The following FSIP2 variants were observed in gnomAD, a reference collection of about 807,000 sequenced individuals.
FSIP2 encodes fibrous sheath interacting protein 2, also known as fibrous sheath-interacting protein 2.
A neutral mutation model predicts 510.5 loss-of-function variants in FSIP2; 367 were observed. That is an observed-to-expected ratio of 0.72 (90% CI 0.66 to 0.78). The LOEUF is 0.78. Among genes scored for constraint, FSIP2 ranks in the 30% least tolerant of loss-of-function variants. The pLI is 0.00. For synonymous variants in FSIP2, 2,601 were observed against 2,732.2 expected (o/e 0.95, Z 1.50); for missense variants, 7,594 against 7,901.7 (o/e 0.96, Z 1.48).
At chr2:185,742,463 GA>G (rs34453784) in intron 2 of FSIP2, among the ~76,000 whole-genome samples, 3 of 152,110 alleles carry the variant, frequency 2.0e-5, no homozygotes, top group Non-Finnish European at 4.4e-5. Context: ...CACACAAATA[GA>G]AAAACTTCAA....
At chr2:185,750,705 C>G (rs1254671353) in intron 7 of FSIP2, among the ~76,000 whole-genome samples, 1 of 148,514 alleles carries the variant, frequency 6.7e-6, no homozygotes, top group African/African-American at 2.5e-5. Flanking sequence ...TTCCTCTTTT[C>G]TAATACAGAA....
chr2:185,782,052 G>A (rs1483359230), intron 13 of FSIP2, among the ~76,000 whole-genome samples: 1 of 152,172 alleles, frequency 6.6e-6, no homozygotes, highest in Non-Finnish European at 1.5e-5. Context: ...TAGCCAGGAT[G>A]GTCTCGATCT....
chr2:185,774,677 C>A (rs2105581660), intron 13 of FSIP2, among the ~76,000 whole-genome samples: 1 of 143,678 alleles, frequency 7.0e-6, no homozygotes, highest in African/African-American at 2.6e-5. Flanking sequence ...GTGTGCTGCA[C>A]CCACTAACTC....
chr2:185,788,362 A>G (rs903387410), intron 15 of FSIP2, among the ~76,000 whole-genome samples: 1 of 151,690 alleles, frequency 6.6e-6, no homozygotes, highest in Non-Finnish European at 1.5e-5. Flanking sequence ...AATCATTTAT[A>G]CTGATAATAA....
At position 185,813,750 on chromosome 2, in the gene FSIP2, A is replaced by G. The variant is rs1359369038; in HGVS notation, c.20033A>G (p.Glu6678Gly). Residue 6678 changes from glutamate to glycine, a missense_variant, in exon 18 of 23, where the codon GAA becomes GGA. Coordinates refer to ENST00000424728, the MANE Select transcript of FSIP2 (RefSeq NM_173651.4). ...VVLTQTFAKE[E>G]GIKVFEDQVK... Reference sequence around the variant, plus strand: ...TTAACACAGACTTTTGCAAAAGAAGAAGGCATCAAAGTATTTGAAGATCAA... The same window carrying G: ...TTAACACAGACTTTTGCAAAAGAAGGAGGCATCAAAGTATTTGAAGATCAA... 1.9e-6 allele frequency: 3 copies of G among 1,612,568 alleles called. No homozygotes were observed. Among genetic ancestry groups the G allele is most frequent in the South Asian group, 2.2e-5 (2 of 90,962 alleles).
chr2:185,828,357 G>C (rs573901239), intron 21 of FSIP2, among the ~76,000 whole-genome samples, 158 bp downstream of exon 21: 5 of 151,884 alleles, frequency 3.3e-5, no homozygotes, highest in African/African-American at 9.6e-5. Context: ...CCTCTTCCTA[G>C]CTGAGGCCTG....
At position 185,747,306 on chromosome 2, in the gene FSIP2, T is replaced by C. The variant is rs561989893; in HGVS notation, c.760-7T>C. On this transcript the variant is annotated splice_region_variant and splice_polypyrimidine_tract_variant and intron_variant, in intron 6 of 22. Transcript: ENST00000424728. ...CACACCAAGTGCAGTAACATTGTGA[T>C]TTCTAGGAATGGAAGACAAAAGAGA... 10 of 1,473,392 alleles carry C rather than the reference T, an allele frequency of 6.8e-6. 1 individual carries two copies. The highest frequency in any genetic ancestry group is 4.2e-5 in the African/African-American group (3 of 71,880). The allele number at this position is 1,473,392 out of a possible 1,614,324, so 91.3% of individuals were successfully genotyped here.
intron 19 of FSIP2, among the ~76,000 whole-genome samples, chr2:185,820,450 T>C (rs1022657952): frequency 8.3e-6 from 1 of 120,114 alleles, no homozygotes; most frequent in Non-Finnish European, 1.8e-5. Flanking sequence ...AATAAAACTA[T>C]AGATTTATTT....
rs1328669372 is a variant in FSIP2 at position 185,793,656 on chromosome 2, G to A, written c.6520G>A (p.Val2174Ile). The A allele has an allele frequency of 3.9e-6, 6 of 1,534,654 alleles. No individual in the cohort carries two copies. In the East Asian group the frequency reaches 1.5e-4, roughly 38 times the overall value. ...TAATCTCAGTTCTGCTGCCACGCTTGTCATAAATGCAAAGAATCCTACTTC... is the reference window on the plus strand; with the variant it reads ...TAATCTCAGTTCTGCTGCCACGCTTATCATAAATGCAAAGAATCCTACTTC... ...LHNLSSAATL[V>I]INAKNPTSAR... Residue 2174 changes from valine (V) to isoleucine (I), a missense_variant, in exon 16 of 23, where the codon GTC becomes ATC. Val to Ile is a conservative substitution (Grantham distance 29). Transcript: ENST00000424728.
At position 185,804,056 on chromosome 2, in the gene FSIP2, C is replaced by G. The variant is rs1190479702; in HGVS notation, c.14750C>G (p.Thr4917Ser). Reference sequence around the variant, plus strand: ...CAATCATTTTTATCTGAAGATAAAACTCTCCTTTTGGCAGCAGTTGATCAA... The same window carrying G: ...CAATCATTTTTATCTGAAGATAAAAGTCTCCTTTTGGCAGCAGTTGATCAA... ...HIQSFLSEDK[T>S]LLLAAVDQTY... Residue 4917 changes from threonine (T) to serine (S), a missense_variant, in exon 17 of 23, where the codon ACT becomes AGT. Transcript: ENST00000424728. 1 of 1,515,996 alleles carries G rather than the reference C, an allele frequency of 6.6e-7. No individual in the cohort carries two copies. Among genetic ancestry groups the G allele is most frequent in the Non-Finnish European group, 8.8e-7 (1 of 1,134,650 alleles). 93.9% of individuals were successfully genotyped at this position (1,515,996 alleles called of 1,614,324 possible). A position where few individuals can be genotyped will look rare whatever the true frequency, so the allele number is the denominator to read the frequency against.
In FSIP2 at chr2:185,802,036, G is replaced by C; in HGVS notation, c.12730G>C (p.Asp4244His). The change falls in exon 17 of 23, where the codon GAC (aspartate) becomes CAC (histidine). Residue 4244 changes from aspartate to histidine, a missense_variant. Transcript: ENST00000424728. ...SIVSRSPIMIDQIASFIIQEI... is the reference protein window; with the variant it reads ...SIVSRSPIMIHQIASFIIQEI... ...AGTAAGCCGAAGCCCAATTATGATTGACCAAATAGCCAGCTTTATCATCCA... is the reference window on the plus strand; with the variant it reads ...AGTAAGCCGAAGCCCAATTATGATTCACCAAATAGCCAGCTTTATCATCCA... 1 of 1,531,088 alleles carries C rather than the reference G, an allele frequency of 6.5e-7. No individual in the cohort carries two copies. The highest frequency in any genetic ancestry group is 8.7e-7 in the Non-Finnish European group (1 of 1,144,502). 94.8% of individuals were successfully genotyped at this position (1,531,088 alleles called of 1,614,324 possible). A position where few individuals can be genotyped will look rare whatever the true frequency, so the allele number is the denominator to read the frequency against.
At chr2:185,824,727 T>G (rs899233754) in intron 20 of FSIP2, among the ~76,000 whole-genome samples, 1 of 151,800 alleles carries the variant, frequency 6.6e-6, no homozygotes, top group African/African-American at 2.4e-5. Context: ...AATTCACATT[T>G]ACCATACTCC....
At position 185,793,643 on chromosome 2, in the gene FSIP2, T is replaced by C. The variant is rs377447261; in HGVS notation, c.6507T>C (p.Ser2169=). 1.3e-6 allele frequency: 2 copies of C among 1,534,646 alleles called. No homozygotes were observed. Among genetic ancestry groups the C allele is most frequent in the Non-Finnish European group, 8.7e-7 (1 of 1,145,748 alleles). ...ATATTGTTCTTCATAATCTCAGTTC[T>C]GCTGCCACGCTTGTCATAAATGCAA... ...IVNIVLHNLS[S]AATLVINAKN... The change falls in exon 16 of 23, where the codon TCT becomes TCC. Residue 2169 remains serine (S), a synonymous_variant. Transcript: ENST00000424728.
intron 13 of FSIP2, among the ~76,000 whole-genome samples, chr2:185,772,965 A>ATC (rs1553496532): frequency 6.6e-6 from 1 of 151,948 alleles, no homozygotes; most frequent in Admixed American, 6.6e-5. Flanking sequence ...GGCTCAAGCC[A>ATC]TCTTCCCACC....
At chr2:185,785,208 T>C (rs545613231) in intron 14 of FSIP2, among the ~76,000 whole-genome samples, 1 of 152,144 alleles carries the variant, frequency 6.6e-6, no homozygotes, top group South Asian at 2.1e-4. Context: ...AGAAACCAGA[T>C]CTTAGAAAAA....
intron 2 of FSIP2, among the ~76,000 whole-genome samples, chr2:185,739,889 T>G (rs1691888664): frequency 6.6e-6 from 1 of 152,158 alleles, no homozygotes; most frequent in Non-Finnish European, 1.5e-5. Flanking sequence ...AAACATTATT[T>G]TGTTTTGAGT....
chr2:185,795,585 TG>T lies in FSIP2; in HGVS notation c.8450del (p.Cys2817PhefsTer11). ...AGGATCCCTTCCTAAACAACAAGCA[TG>T]TTTTTACTTGGAGAATGTTTCTTCA... ...GTGSLPKQQACFYLENVSSQL... is the reference protein window; with the variant it reads ...GTGSLPKQQAXFYLENVSSQL... On this transcript the variant is annotated frameshift_variant, in exon 16 of 23. Transcript: ENST00000424728. LOFTEE classifies it high-confidence loss of function. 1 of 1,535,144 alleles carries T rather than the reference TG, an allele frequency of 6.5e-7. No homozygotes were observed.
At chr2:185,815,307 C>T in intron 18 of FSIP2, 64 bp from the exon 19 acceptor site, 2 of 767,186 alleles carry the variant, frequency 2.6e-6, no homozygotes, top group East Asian at 2.6e-5. Context: ...GCAAAAAATG[C>T]CATAAGGTAA....
chr2:185,738,727 G>A, upstream of FSIP2: 1 of 1,536,056 alleles, frequency 6.5e-7, no homozygotes. Context: ...CCCTCAGGAG[G>A]CCACCGCCCT....
Sources: allele counts gnomAD v4.1 joint callset (sites outside exome capture counted in the v4.1 genomes callset), GRCh38; gene constraint gnomAD v4.1.1; transcripts MANE v1.5; gene names NCBI Gene and HGNC (gene_info 2026-07-23, HGNC 2026-07-21).